NSUN3: variants seen among roughly 807,000 people sequenced by gnomAD.
NSUN3 encodes the protein tRNA (cytosine(34)-C(5))-methyltransferase, mitochondrial.
A neutral mutation model predicts 36.8 loss-of-function variants in NSUN3; 24 were observed. The observed-to-expected ratio is 0.65, with a 90% confidence interval of 0.47 to 0.92. The LOEUF is 0.92. Among genes scored for constraint, NSUN3 ranks in the 40% least tolerant of loss-of-function variants. NSUN3 has a pLI of 0.00. For missense variants in NSUN3, 381 were observed against 392.8 expected, an observed-to-expected ratio of 0.97 and a Z score of 0.25; for synonymous variants, 146 against 145.2, an observed-to-expected ratio of 1.01 and a Z score of -0.04.
chr3:94,077,820 C>A lies in NSUN3; in HGVS notation c.123-6287C>A, dbSNP rs577473328. 3.3e-5 allele frequency among the ~76,000 whole-genome samples: 5 copies of A among 152,050 alleles called. No homozygotes were observed. The East Asian group carries it at 9.6e-4, about 29-fold the overall frequency. ...TATTTTTTATTGCGTCTATTTGATTCTTCTCTCTTTTCTTCTTTATTAGTC... is the reference window on the plus strand; with the variant it reads ...TATTTTTTATTGCGTCTATTTGATTATTCTCTCTTTTCTTCTTTATTAGTC... On this transcript the variant is annotated intron_variant, in intron 2 of 5. Transcript: ENST00000314622.
At chr3:94,116,970 G>A (rs2077442283) in intron 5 of NSUN3, among the ~76,000 whole-genome samples, 1 of 138,216 alleles carries the variant, frequency 7.2e-6, no homozygotes, top group Admixed American at 7.2e-5. Flanking sequence ...TTTAAGCCAA[G>A]TGAATCTGCC....
At chr3:94,093,955 A>G (rs547637014) in intron 3 of NSUN3, among the ~76,000 whole-genome samples, 185 bp from the exon 4 acceptor site, 1 of 152,360 alleles carries the variant, frequency 6.6e-6, no homozygotes, top group South Asian at 2.1e-4. Flanking sequence ...ATGTGCATCT[A>G]TATATACATA....
intron 2 of NSUN3, among the ~76,000 whole-genome samples, chr3:94,079,535 T>C (rs2107243211): frequency 6.6e-6 from 1 of 152,276 alleles, no homozygotes; most frequent in East Asian, 1.9e-4. Flanking sequence ...CCAACTTGTT[T>C]CATTCTCCCT....
At chr3:94,105,643 C>G (rs1053231559) in intron 5 of NSUN3, among the ~76,000 whole-genome samples, 2 of 152,030 alleles carry the variant, frequency 1.3e-5, no homozygotes, top group Non-Finnish European at 2.9e-5. Flanking sequence ...GAACCGGAGA[C>G]CCCCTTAGTC....
chr3:94,110,811 C>T (rs1486575925), intron 5 of NSUN3, among the ~76,000 whole-genome samples: 2 of 149,996 alleles, frequency 1.3e-5, no homozygotes, highest in Non-Finnish European at 3.0e-5. Flanking sequence ...CACATATATA[C>T]ATATATGTGT....
rs1344635340 is a variant in NSUN3, at chr3:94,122,168, A to AC, written c.744-4043_744-4042insC. ...CCCCCACCTAAAAAAAAAAAAAAAA[A>AC]AAACAATTTAAGTGACCTCCATGGC... On this transcript the variant is annotated intron_variant, in intron 5 of 5. Coordinates refer to ENST00000314622, the MANE Select transcript of NSUN3 (RefSeq NM_022072.5). Among the ~76,000 whole-genome samples, 13 of 151,920 alleles carry AC rather than the reference A, an allele frequency of 8.6e-5. No individual in the cohort carries two copies. In the South Asian group the frequency reaches 2.1e-3, roughly 24 times the overall value.
intron 5 of NSUN3, among the ~76,000 whole-genome samples, chr3:94,097,483 C>A (rs1351442246): frequency 1.3e-5 from 2 of 151,914 alleles, no homozygotes; most frequent in African/African-American, 4.8e-5. Flanking sequence ...CTTTAATCCT[C>A]TATTTCTGGA....
rs559110780 is a variant in NSUN3 at position 94,084,039 on chromosome 3, C to T, written c.123-68C>T. 134 of 1,134,004 alleles carry T rather than the reference C, an allele frequency of 1.2e-4. No individual in the cohort carries two copies. In the East Asian group the frequency reaches 1.2e-3, roughly 10 times the overall value. 70.2% of individuals were successfully genotyped at this position (1,134,004 alleles called of 1,614,324 possible). A position where few individuals can be genotyped will look rare whatever the true frequency, so the allele number is the denominator to read the frequency against. ...AAACTAGGACCACATTCACCTGATT[C>T]GTAATATAAAATTGTATTGGTATGT... On this transcript the variant is annotated intron_variant, in intron 2 of 5. Transcript: ENST00000314622.
chr3:94,084,228 T>G lies in NSUN3; in HGVS notation c.244T>G (p.Leu82Val). The G allele has an allele frequency of 6.2e-7, 1 of 1,614,182 alleles. No homozygotes were observed. The highest frequency in any genetic ancestry group is 8.5e-7 in the Non-Finnish European group (1 of 1,180,022). ...KGYHTLSQGSLPNYPKSVKCY... is the reference protein window; with the variant it reads ...KGYHTLSQGSVPNYPKSVKCY... Reference sequence around the variant, plus strand: ...CTATCACACACTCTCTCAGGGATCTTTACCCAACTATCCTAAATCAGTGAA... The same window carrying G: ...CTATCACACACTCTCTCAGGGATCTGTACCCAACTATCCTAAATCAGTGAA... Residue 82 changes from leucine (L) to valine (V), a missense_variant, in exon 3 of 6, where the codon TTA becomes GTA. Transcript: ENST00000314622.
chr3:94,096,475 T>C (rs926988368), intron 5 of NSUN3, among the ~76,000 whole-genome samples: 1 of 151,842 alleles, frequency 6.6e-6, no homozygotes, highest in African/African-American at 2.4e-5. Context: ...CTGTTTTGAT[T>C]TGGCTTCTTT....
chr3:94,074,062 T>G (rs940730375), intron 2 of NSUN3, among the ~76,000 whole-genome samples: 1 of 152,210 alleles, frequency 6.6e-6, no homozygotes, highest in Non-Finnish European at 1.5e-5. Context: ...AGGGAATCCT[T>G]TCCCCATTTC....
At chr3:94,073,632 T>C (rs2077234687) in intron 2 of NSUN3, among the ~76,000 whole-genome samples, 2 of 152,188 alleles carry the variant, frequency 1.3e-5, no homozygotes, top group African/African-American at 2.4e-5. Context: ...TATCCTTTGC[T>C]CACTTTTTGA....
At chr3:94,091,772 A>G (rs1303815120) in intron 3 of NSUN3, among the ~76,000 whole-genome samples, 1 of 152,234 alleles carries the variant, frequency 6.6e-6, no homozygotes. Context: ...CTTTTCTCTG[A>G]GGCCCTTAGT....
intron 2 of NSUN3, among the ~76,000 whole-genome samples, chr3:94,082,419 G>A (rs903104864): frequency 6.6e-6 from 1 of 152,130 alleles, no homozygotes; most frequent in Non-Finnish European, 1.5e-5. Flanking sequence ...TCTTTCTTAA[G>A]GAAAGAGGTT....
At chr3:94,103,627 G>A (rs975268558) in intron 5 of NSUN3, among the ~76,000 whole-genome samples, 3 of 151,890 alleles carry the variant, frequency 2.0e-5, no homozygotes, top group South Asian at 2.1e-4. Flanking sequence ...GAATCATAAT[G>A]ATATACAATT....
At chr3:94,083,989 T>TA (rs1250523635) in intron 2 of NSUN3, 118 bp from the exon 3 acceptor site, 3 of 737,698 alleles carry the variant, frequency 4.1e-6, no homozygotes, top group Non-Finnish European at 6.5e-6. Context: ...TCCTGTCTCT[T>TA]AAAATCACAG....
Position 94,093,264 on chromosome 3 carries a change from G to A in NSUN3, c.467-876G>A, listed in dbSNP as rs372563551. Among the ~76,000 whole-genome samples the A allele has an allele frequency of 9.2e-5, 14 of 151,898 alleles. No homozygotes were observed. In the South Asian group the frequency reaches 2.7e-3, roughly 29 times the overall value. ...CAGAAAAAAAAAAATATGTAACTGG[G>A]CATGTCCCTGTGGAGACACTGAAAG... On this transcript the variant is annotated intron_variant, in intron 3 of 5. Transcript: ENST00000314622.
intron 2 of NSUN3, among the ~76,000 whole-genome samples, chr3:94,068,737 A>T (rs1338934909): frequency 1.3e-4 from 19 of 150,972 alleles, no homozygotes; most frequent in Admixed American, 1.3e-3. Context: ...TTTTTTTTGG[A>T]CACTCTCCTC....
chr3:94,107,792 C>G (rs552071386), intron 5 of NSUN3, among the ~76,000 whole-genome samples: 112 of 152,134 alleles, frequency 7.4e-4, no homozygotes, highest in African/African-American at 2.6e-3. Flanking sequence ...GTCAAGTTTA[C>G]TTTAAAAAGG....
Sources: allele counts gnomAD v4.1 joint callset (sites outside exome capture counted in the v4.1 genomes callset), GRCh38; gene constraint gnomAD v4.1.1; transcripts MANE v1.5; gene names NCBI Gene and HGNC (gene_info 2026-07-23, HGNC 2026-07-21).